The following COP1 variants were observed in gnomAD, a reference collection of about 807,000 sequenced individuals.
COP1 encodes COP1 E3 ubiquitin ligase.
COP1 carries 24 observed loss-of-function variants against 101.3 expected under a neutral mutation model. The observed-to-expected ratio is 0.24, with a 90% CI of 0.17 to 0.33. COP1 has a LOEUF of 0.33. Ranked by LOEUF, COP1 falls within the 10% of genes least tolerant of loss-of-function variation. The probability of loss-of-function intolerance (pLI) is 1.00; values close to 1 mark genes in which losing one functional copy is unlikely to be tolerated. For synonymous variants in COP1, 347 were observed against 341.9 expected (o/e 1.01, Z -0.17); for missense variants, 663 against 906.2 (o/e 0.73, Z 3.45).
chr1:176,174,045 T>G (rs1696566323), intron 3 of COP1, among the ~76,000 whole-genome samples: 1 of 148,458 alleles, frequency 6.7e-6, no homozygotes, highest in Non-Finnish European at 1.5e-5. Flanking sequence ...CTTTCCAGCT[T>G]AAGTGGCAGT....
chr1:176,172,072 G>A (rs1038428099), intron 3 of COP1, among the ~76,000 whole-genome samples: 5 of 151,984 alleles, frequency 3.3e-5, no homozygotes, highest in Non-Finnish European at 5.9e-5. Flanking sequence ...TTTTGAGACA[G>A]AGTCTCTGCT....
chr1:176,006,306 T>G (rs1663192621), intron 15 of COP1, among the ~76,000 whole-genome samples: 3 of 152,232 alleles, frequency 2.0e-5, no homozygotes. Flanking sequence ...TTATCCAATT[T>G]GCCAGTCTGT....
intron 18 of COP1, among the ~76,000 whole-genome samples, chr1:175,973,193 G>T (rs1357281169): frequency 3.3e-5 from 5 of 152,122 alleles, no homozygotes; most frequent in African/African-American, 1.2e-4. Flanking sequence ...TTGGTTAAAA[G>T]ATACTATAAT....
At chr1:176,072,218 A>T (rs1249747868) in intron 11 of COP1, among the ~76,000 whole-genome samples, 1 of 152,212 alleles carries the variant, frequency 6.6e-6, no homozygotes, top group Non-Finnish European at 1.5e-5. Context: ...ATTTCTTCAA[A>T]GGAATATTTT....
intron 1 of COP1, among the ~76,000 whole-genome samples, chr1:176,186,938 G>A (rs936560355): frequency 9.9e-5 from 15 of 152,178 alleles, no homozygotes; most frequent in African/African-American, 2.9e-4. Context: ...GGTTTACCTC[G>A]CACACAGCTC....
At position 176,206,838 on chromosome 1, in the gene COP1, C is replaced by A. The variant is rs2102343914; in HGVS notation, c.141G>T (p.Leu47=). 7.0e-7 allele frequency: 1 copy of A among 1,424,160 alleles called. No homozygotes were observed. The highest frequency in any genetic ancestry group is 1.4e-5 in the South Asian group (1 of 70,290). The allele number at this position is 1,424,160 out of a possible 1,614,324, so 88.2% of individuals were successfully genotyped here. ...CGGCCTGGGCCACCCCGCCGGACAC[C>A]AGCGCTGCCGCCGAAACCGCCACGG... is the stretch of plus-strand genomic sequence containing the variant. ...PPSVAVSAAA[L]VSGGVAQAAG... is the part of the protein sequence containing the mutation. Residue 47 remains leucine (L), a synonymous_variant, in exon 1 of 20, where the codon CTG becomes CTT. Transcript: ENST00000367669.
intron 5 of COP1, among the ~76,000 whole-genome samples, chr1:176,156,000 T>C (rs1220273588): frequency 6.6e-6 from 1 of 151,974 alleles, no homozygotes; most frequent in African/African-American, 2.4e-5. Flanking sequence ...AAGGTAAATA[T>C]TTGGGTAAAT....
At chr1:176,055,914 A>G (rs1266740673) in intron 11 of COP1, among the ~76,000 whole-genome samples, 1 of 151,136 alleles carries the variant, frequency 6.6e-6, no homozygotes, top group Non-Finnish European at 1.5e-5. Flanking sequence ...GTTTTATATC[A>G]TCTTATTTAT....
intron 14 of COP1, among the ~76,000 whole-genome samples, chr1:176,035,049 A>G (rs939395894): frequency 6.6e-6 from 1 of 152,216 alleles, no homozygotes; most frequent in Admixed American, 6.5e-5. Flanking sequence ...AAAATTATTC[A>G]ACATACAAAA....
At chr1:175,957,899 A>C (rs1300619008) in intron 18 of COP1, among the ~76,000 whole-genome samples, 1 of 152,192 alleles carries the variant, frequency 6.6e-6, no homozygotes, top group Non-Finnish European at 1.5e-5. Context: ...TATCATGCTA[A>C]ATAAAAGGAG....
At chr1:176,001,440 T>C (rs1456777451) in intron 15 of COP1, among the ~76,000 whole-genome samples, 1 of 152,114 alleles carries the variant, frequency 6.6e-6, no homozygotes, top group East Asian at 1.9e-4. Context: ...ATACCACTAC[T>C]AAAAACAGAA....
chr1:176,112,152 G>A (rs1490457515), intron 9 of COP1, among the ~76,000 whole-genome samples: 1 of 150,822 alleles, frequency 6.6e-6, no homozygotes, highest in African/African-American at 2.4e-5. Flanking sequence ...TTTACGTACT[G>A]TCTCAGTGCA....
In COP1 at chr1:176,139,291, A is replaced by G. The variant is rs934819892; in HGVS notation, c.832-2744T>C. Among the ~76,000 whole-genome samples, 24 of 131,954 alleles carry G rather than the reference A, an allele frequency of 1.8e-4. No individual in the cohort carries two copies. In the Admixed American group the frequency reaches 1.9e-3, roughly 10 times the overall value. The allele number at this position is 131,954 out of a possible 152,430, so 86.6% of individuals were successfully genotyped here. A position where few individuals can be genotyped will look rare whatever the true frequency, so the allele number is the denominator to read the frequency against. On this transcript the variant is annotated intron_variant, in intron 6 of 19. Coordinates refer to ENST00000367669, the MANE Select transcript of COP1 (RefSeq NM_022457.7). Reference sequence around the variant, plus strand: ...GAAAAAACAAAAACAAAAAAAACAAAAAAAAAAAACAAAAAAAGAGATGCT... The same window carrying G: ...GAAAAAACAAAAACAAAAAAAACAAGAAAAAAAAACAAAAAAAGAGATGCT...
intron 18 of COP1, among the ~76,000 whole-genome samples, chr1:175,985,333 T>C (rs573611405): frequency 1.3e-5 from 2 of 152,344 alleles, no homozygotes; most frequent in South Asian, 4.1e-4. Context: ...CTAGTTATTG[T>C]AGTTACAAAA....
At chr1:176,180,443 C>A (rs1697588574) in intron 2 of COP1, among the ~76,000 whole-genome samples, 1 of 152,096 alleles carries the variant, frequency 6.6e-6, no homozygotes, top group Non-Finnish European at 1.5e-5. Flanking sequence ...TAGATTAGTG[C>A]TCAACAACAG....
chr1:176,090,051 C>T (rs1284640243), intron 9 of COP1, among the ~76,000 whole-genome samples: 2 of 152,188 alleles, frequency 1.3e-5, no homozygotes, highest in African/African-American at 4.8e-5. Flanking sequence ...GAGACTTCAT[C>T]TACATAAAAA....
chr1:176,125,320 A>C (rs901482708), intron 8 of COP1, among the ~76,000 whole-genome samples: 1 of 151,990 alleles, frequency 6.6e-6, no homozygotes, highest in Non-Finnish European at 1.5e-5. Flanking sequence ...ATTACTCAAA[A>C]ATTTTTTGCC....
intron 15 of COP1, among the ~76,000 whole-genome samples, chr1:175,998,086 A>G (rs1400276649): frequency 1.1e-4 from 14 of 123,794 alleles, no homozygotes; most frequent in South Asian, 5.2e-4. Context: ...AAAAAAAAAA[A>G]AAAAGAAAAT....
chr1:176,063,497 T>C (rs949202439), intron 11 of COP1, among the ~76,000 whole-genome samples: 23 of 152,242 alleles, frequency 1.5e-4, no homozygotes, highest in African/African-American at 5.3e-4. Context: ...TCTTAAATTA[T>C]GTAAAACATC....
Sources: gnomAD v4.1 joint callset for allele counts (sites outside exome capture counted in the v4.1 genomes callset) on GRCh38, gnomAD v4.1.1 for gene constraint, MANE v1.5 for transcripts, NCBI Gene and HGNC (gene_info 2026-07-23, HGNC 2026-07-21) for gene names.